Variants in MOB3B observed in about 807,000 individuals in gnomAD.
MOB3B encodes the protein MOB kinase activator 3B.
In MOB3B, 7 loss-of-function variants were observed where a neutral mutation model predicts 18.7. The ratio of observed to expected loss-of-function variants is 0.37; its 90% CI spans 0.21 to 0.70. MOB3B has a LOEUF of 0.70. Ranked by LOEUF, MOB3B falls within the 30% of genes least tolerant of loss-of-function variation. MOB3B has a pLI of 0.52. For missense variants in MOB3B, 253 were observed against 281.3 expected, an observed-to-expected ratio of 0.90 and a Z score of 0.72; for synonymous variants, 111 against 99.9, an observed-to-expected ratio of 1.11 and a Z score of -0.66.
intron 1 of MOB3B, among the ~76,000 whole-genome samples, chr9:27,525,140 G>A (rs1820416360): frequency 6.6e-6 from 1 of 151,978 alleles, no homozygotes; most frequent in African/African-American, 2.4e-5. Context: ...CCATCCTCAG[G>A]GTGACCAAGA....
intron 2 of MOB3B, among the ~76,000 whole-genome samples, chr9:27,385,167 C>G (rs934017556): frequency 6.6e-6 from 1 of 152,208 alleles, no homozygotes; most frequent in Non-Finnish European, 1.5e-5. Flanking sequence ...TTTGCCTGAA[C>G]ATGTTTTCTT....
chr9:27,405,931 T>C (rs1212376458), intron 2 of MOB3B, among the ~76,000 whole-genome samples: 1 of 152,162 alleles, frequency 6.6e-6, no homozygotes, highest in East Asian at 1.9e-4. Flanking sequence ...TACCTCAACA[T>C]GATAAAAGCC....
At chr9:27,394,258 T>A (rs1036438492) in intron 2 of MOB3B, 8 of 151,974 alleles carry the variant, frequency 5.3e-5, no homozygotes, top group African/African-American at 1.9e-4. Context: ...TCAAGATAAC[T>A]CTGGTGAGTG....
intron 3 of MOB3B, among the ~76,000 whole-genome samples, chr9:27,346,126 C>T (rs1354184106): frequency 6.6e-6 from 1 of 152,164 alleles, no homozygotes; most frequent in Non-Finnish European, 1.5e-5. Flanking sequence ...TGATGGGGGG[C>T]TTCCTTGCCC....
rs145655080 is a variant in MOB3B, at chr9:27,416,836, C to T, written c.418+38297G>A. ...CCGGCATGAGCCACCACGGCTAGCTCATCTTTCCTTTGCTTTTCTTCGTAA... is the reference window on the plus strand; with the variant it reads ...CCGGCATGAGCCACCACGGCTAGCTTATCTTTCCTTTGCTTTTCTTCGTAA... On this transcript the variant is annotated intron_variant, in intron 2 of 3. Transcript: ENST00000262244. 1.2e-3 allele frequency among the ~76,000 whole-genome samples: 182 copies of T among 152,190 alleles called. 1 individual carries two copies. The highest frequency in any genetic ancestry group is 4.2e-3 in the African/African-American group (174 of 41,530).
rs567142342 is a variant in MOB3B at position 27,354,562 on chromosome 9, G to C, written c.621+4472C>G. Among the ~76,000 whole-genome samples the C allele has an allele frequency of 3.9e-5, 6 of 152,304 alleles. No individual in the cohort carries two copies. The South Asian group carries it at 1.2e-3, about 32-fold the overall frequency. ...AGCATTAGTCCCAACATGGAAATGG[G>C]TAAGTGGAGGTCTGCATGCATGTTC... On this transcript the variant is annotated intron_variant, in intron 3 of 3. Transcript: ENST00000262244.
intron 1 of MOB3B, among the ~76,000 whole-genome samples, chr9:27,521,064 G>GGAATGGA (rs1326758205): frequency 6.6e-6 from 1 of 152,068 alleles, no homozygotes; most frequent in Non-Finnish European, 1.5e-5. Flanking sequence ...CAGAACATGG[G>GGAATGGA]GAATGGAGTC....
At chr9:27,396,701 G>A (rs1330941471) in intron 2 of MOB3B, among the ~76,000 whole-genome samples, 1 of 152,098 alleles carries the variant, frequency 6.6e-6, no homozygotes, top group Non-Finnish European at 1.5e-5. Flanking sequence ...ATGACATCAT[G>A]TCTCTTCTAA....
chr9:27,417,135 A>G (rs1006033279), intron 2 of MOB3B, among the ~76,000 whole-genome samples: 10 of 151,976 alleles, frequency 6.6e-5, no homozygotes, highest in African/African-American at 2.2e-4. Flanking sequence ...AGGCCGAGGC[A>G]GGTGGATCAC....
At chr9:27,493,511 G>T (rs1416935426) in intron 1 of MOB3B, among the ~76,000 whole-genome samples, 1 of 152,014 alleles carries the variant, frequency 6.6e-6, no homozygotes, top group Non-Finnish European at 1.5e-5. Flanking sequence ...CATCGTAGTG[G>T]GTGCCTGTAG....
chr9:27,353,412 C>T (rs1821137465), intron 3 of MOB3B, among the ~76,000 whole-genome samples: 1 of 152,146 alleles, frequency 6.6e-6, no homozygotes, highest in South Asian at 2.1e-4. Flanking sequence ...AGTACTTCCT[C>T]CAGGAGATTC....
At chr9:27,369,814 A>G (rs1222027745) in intron 2 of MOB3B, among the ~76,000 whole-genome samples, 1 of 152,030 alleles carries the variant, frequency 6.6e-6, no homozygotes, top group African/African-American at 2.4e-5. Flanking sequence ...TTCAAACCTT[A>G]ACTAATTTGT....
At chr9:27,486,923 G>A (rs1360130712) in intron 1 of MOB3B, among the ~76,000 whole-genome samples, 1 of 152,002 alleles carries the variant, frequency 6.6e-6, no homozygotes, top group African/African-American at 2.4e-5. Flanking sequence ...TTGAGGCCAG[G>A]GGTTCAAGAC....
chr9:27,483,380 C>T (rs1007820599), intron 1 of MOB3B, among the ~76,000 whole-genome samples: 1 of 152,136 alleles, frequency 6.6e-6, no homozygotes, highest in African/African-American at 2.4e-5. Context: ...GATCCGCCCG[C>T]CTCGGCCTCC....
chr9:27,408,887 G>C (rs1407519015), intron 2 of MOB3B, among the ~76,000 whole-genome samples: 1 of 152,158 alleles, frequency 6.6e-6, no homozygotes, highest in South Asian at 2.1e-4. Flanking sequence ...TTCCTGCCTT[G>C]AGGAACTCAC....
intron 2 of MOB3B, among the ~76,000 whole-genome samples, chr9:27,410,141 G>A (rs1822042527): frequency 6.6e-6 from 1 of 152,124 alleles, no homozygotes; most frequent in South Asian, 2.1e-4. Context: ...TTTGAACTTA[G>A]AAGAAATCGA....
Position 27,514,036 on chromosome 9 carries a change from G to C in MOB3B, c.-199+15519C>G, listed in dbSNP as rs978895735. Among the ~76,000 whole-genome samples, 3 of 152,272 alleles carry C rather than the reference G, an allele frequency of 2.0e-5. No homozygotes were observed. In the East Asian group the frequency reaches 5.8e-4, roughly 29 times the overall value. On this transcript the variant is annotated intron_variant, in intron 1 of 3. Coordinates refer to ENST00000262244, the MANE Select transcript of MOB3B (RefSeq NM_024761.5). ...ACCGTATTATCACATTTAGCAATGAGTGATTCTGGCAGGGATGTATATAGG... is the reference window on the plus strand; with the variant it reads ...ACCGTATTATCACATTTAGCAATGACTGATTCTGGCAGGGATGTATATAGG...
intron 2 of MOB3B, among the ~76,000 whole-genome samples, chr9:27,443,480 C>T (rs946252214): frequency 6.6e-6 from 1 of 152,138 alleles, no homozygotes; most frequent in African/African-American, 2.4e-5. Context: ...ATCACTGAAC[C>T]TTCTCAAACT....
chr9:27,337,177 C>T (rs1221105708), intron 3 of MOB3B, among the ~76,000 whole-genome samples: 2 of 152,214 alleles, frequency 1.3e-5, no homozygotes, highest in Non-Finnish European at 2.9e-5. Flanking sequence ...AACCCTACAA[C>T]CGGGAAGAGT....
Sources: gnomAD v4.1 joint callset for allele counts (sites outside exome capture counted in the v4.1 genomes callset) on GRCh38, gnomAD v4.1.1 for gene constraint, MANE v1.5 for transcripts, NCBI Gene and HGNC (gene_info 2026-07-23, HGNC 2026-07-21) for gene names.